ZNF487: variants seen among roughly 807,000 people sequenced by gnomAD.
The protein encoded by ZNF487 is KRAB domain only 1.
ZNF487 carries 4 observed loss-of-function variants against 3.0 expected under a neutral mutation model. The ratio of observed to expected loss-of-function variants is 1.35; its 90% CI spans 0.66 to 3.08. The LOEUF is 3.08. Ranked by LOEUF, ZNF487 falls within the 30% of genes most tolerant of loss-of-function variation. The pLI is 0.01. For synonymous variants in ZNF487, 55 were observed against 34.6 expected (o/e 1.59, Z -2.06); for missense variants, 146 against 98.7 (o/e 1.48, Z -2.03).
rs1175324598 is a variant in ZNF487, at chr10:43,481,881, T to C, written c.583T>C (p.Cys195Arg). 6 of 700,412 alleles carry C rather than the reference T, an allele frequency of 8.6e-6. No homozygotes were observed. In the South Asian group the frequency reaches 8.9e-5, roughly 10 times the overall value. 43.4% of individuals were successfully genotyped at this position (700,412 alleles called of 1,614,324 possible). A position where few individuals can be genotyped will look rare whatever the true frequency, so the allele number is the denominator to read the frequency against. ...GAAGGCTTTTCATGAAGAGGCAGCC[T>C]GCAGTACCCATAAGAGAGTGTGCTC... ...CGKAFHEEAACSTHKRVCSWE... is the reference protein window; with the variant it reads ...CGKAFHEEAARSTHKRVCSWE... The change falls in exon 4 of 4, where the codon TGC (cysteine) becomes CGC (arginine). Residue 195 changes from cysteine (C) to arginine (R), a missense_variant. Coordinates refer to ENST00000437590, the MANE Select transcript of ZNF487 (RefSeq NM_001355444.3).
At chr10:43,459,197 T>G (rs909922941) in intron 1 of ZNF487, among the ~76,000 whole-genome samples, 1 of 152,170 alleles carries the variant, frequency 6.6e-6, no homozygotes, top group Non-Finnish European at 1.5e-5. Flanking sequence ...CTCTCATTAT[T>G]GCTGTTCCCA....
At chr10:43,480,084 C>CTTTCT (rs375980543) in intron 3 of ZNF487, among the ~76,000 whole-genome samples, 6,194 of 139,790 alleles carry the variant, frequency 0.044, 199 homozygotes, top group Non-Finnish European at 0.053. Context: ...TTCCTTCCTT[C>CTTTCT]TTTCTTTTCT....
downstream of ZNF487, among the ~76,000 whole-genome samples, chr10:43,486,504 C>A (rs1841473114): frequency 1.4e-5 from 2 of 144,190 alleles, no homozygotes; most frequent in Admixed American, 7.1e-5. Flanking sequence ...ACAGCCTGGG[C>A]AACAAGAGTG....
the ZNF487 span, among the ~76,000 whole-genome samples, chr10:43,505,171 C>A: frequency 6.6e-6 from 1 of 152,204 alleles, no homozygotes; most frequent in Non-Finnish European, 1.5e-5. Context: ...AGGCATGCAC[C>A]ACCATGCTTG....
At position 43,466,592 on chromosome 10, in the gene ZNF487, G is replaced by A. The variant is rs369379321; in HGVS notation, c.-93-9129G>A. ...TAATTTTTGTATTATTAGTAGAGAC[G>A]GGGTTTCACCATGTTTGTCAGGCTG... On this transcript the variant is annotated intron_variant, in intron 1 of 3. Coordinates refer to ENST00000437590, the MANE Select transcript of ZNF487 (RefSeq NM_001355444.3). Among the ~76,000 whole-genome samples the A allele has an allele frequency of 1.2e-4, 18 of 149,688 alleles. No individual in the cohort carries two copies. The East Asian group carries it at 3.2e-3, about 27-fold the overall frequency.
chr10:43,510,960 C>A, the ZNF487 span, among the ~76,000 whole-genome samples: 2 of 152,162 alleles, frequency 1.3e-5, no homozygotes, highest in Non-Finnish European at 2.9e-5. Context: ...CAGTGTTCCT[C>A]CCTATGGAAC....
the ZNF487 span, among the ~76,000 whole-genome samples, chr10:43,516,523 A>C: frequency 6.6e-6 from 1 of 152,162 alleles, no homozygotes; most frequent in African/African-American, 2.4e-5. Flanking sequence ...ATTAAGTCTT[A>C]ACTCACATCA....
chr10:43,514,076 G>A, the ZNF487 span, among the ~76,000 whole-genome samples: 1 of 152,130 alleles, frequency 6.6e-6, no homozygotes, highest in Non-Finnish European at 1.5e-5. Context: ...TTCTGGATCT[G>A]TAAACTGGCT....
intron 1 of ZNF487, among the ~76,000 whole-genome samples, chr10:43,460,049 G>A (rs948982055): frequency 8.6e-5 from 13 of 151,770 alleles, no homozygotes; most frequent in East Asian, 1.9e-4. Flanking sequence ...TGATCTGCCC[G>A]CCTTGGCCTC....
At chr10:43,501,508 G>A in the ZNF487 span, among the ~76,000 whole-genome samples, 1 of 152,194 alleles carries the variant, frequency 6.6e-6, no homozygotes, top group Non-Finnish European at 1.5e-5. Flanking sequence ...GGGAGGCTGA[G>A]GTGGGCAGAT....
chr10:43,468,309 A>G (rs1457361986), intron 1 of ZNF487, among the ~76,000 whole-genome samples: 1 of 152,170 alleles, frequency 6.6e-6, no homozygotes, highest in East Asian at 1.9e-4. Context: ...GTTTTAGAGG[A>G]TTGAATCCAA....
At chr10:43,478,227 C>T (rs145480006) in intron 3 of ZNF487, among the ~76,000 whole-genome samples, 2 of 152,100 alleles carry the variant, frequency 1.3e-5, no homozygotes, top group Non-Finnish European at 2.9e-5. Flanking sequence ...TGAGACCAGC[C>T]CAGGCAGCAC....
intron 1 of ZNF487, chr10:43,458,182 G>A (rs1308819387): frequency 2.6e-5 from 4 of 152,224 alleles, no homozygotes; most frequent in African/African-American, 9.7e-5. Flanking sequence ...CCAAAGTTGA[G>A]GACACGCGCC....
intron 1 of ZNF487, among the ~76,000 whole-genome samples, chr10:43,470,905 G>A (rs1187486838): frequency 1.3e-5 from 2 of 151,502 alleles, no homozygotes; most frequent in Non-Finnish European, 2.9e-5. Context: ...CTGCAGCCTC[G>A]ACATCCTGGG....
the ZNF487 span, among the ~76,000 whole-genome samples, chr10:43,490,983 C>CTT: frequency 5.4e-3 from 722 of 132,480 alleles, 14 homozygotes; most frequent in Middle Eastern, 0.031. Flanking sequence ...CTTTTTTTTT[C>CTT]TTTTTTTTTT....
Position 43,482,022 on chromosome 10 carries a change from G to T in ZNF487, c.*100G>T. On this transcript the variant is annotated 3_prime_UTR_variant, in exon 4 of 4. Coordinates refer to ENST00000437590, the MANE Select transcript of ZNF487 (RefSeq NM_001355444.3). ...GTCACCATGAATTCAATGAATGTGA[G>T]AGGAGGTCTGGTGAGAGGCCACCTG... The T allele has an allele frequency of 3.4e-6, 2 of 588,066 alleles. No homozygotes were observed. The highest frequency in any genetic ancestry group is 6.0e-6 in the Non-Finnish European group (2 of 334,378). The allele number at this position is 588,066 out of a possible 1,614,324, so 36.4% of individuals were successfully genotyped here. A position where few individuals can be genotyped will look rare whatever the true frequency, so the allele number is the denominator to read the frequency against.
chr10:43,437,443 C>G (rs889990154), intron 1 of ZNF487, among the ~76,000 whole-genome samples, 181 bp downstream of exon 1: 1 of 152,094 alleles, frequency 6.6e-6, no homozygotes, highest in Non-Finnish European at 1.5e-5. Flanking sequence ...CCAGCCCACC[C>G]TAGAGAAGCG....
chr10:43,499,044 G>C, the ZNF487 span, among the ~76,000 whole-genome samples: 1 of 152,110 alleles, frequency 6.6e-6, no homozygotes. Context: ...CTGAAAAATA[G>C]CACATAGGTC....
the ZNF487 span, among the ~76,000 whole-genome samples, chr10:43,509,951 A>T: frequency 6.6e-6 from 1 of 152,220 alleles, no homozygotes; most frequent in African/African-American, 2.4e-5. Flanking sequence ...TAAAGACAAT[A>T]ATAAGGTCAT....
Sources: allele counts gnomAD v4.1 joint callset (sites outside exome capture counted in the v4.1 genomes callset), GRCh38; gene constraint gnomAD v4.1.1; transcripts MANE v1.5; gene names NCBI Gene and HGNC (gene_info 2026-07-23, HGNC 2026-07-21).